KCNC1: variants seen among roughly 807,000 people sequenced by gnomAD.
KCNC1 encodes potassium voltage-gated channel subfamily C member 1.
KCNC1 carries 8 observed loss-of-function variants against 43.4 expected under a neutral mutation model. The observed-to-expected ratio is 0.18, with a 90% CI of 0.11 to 0.33. The LOEUF (loss-of-function observed/expected upper bound fraction) is 0.33. Ranked by LOEUF, KCNC1 falls within the 10% of genes least tolerant of loss-of-function variation. The pLI is 1.00. For missense variants in KCNC1, 420 were observed against 836.0 expected (o/e 0.50, Z 6.14); for synonymous variants, 361 against 360.5 (o/e 1.00, Z -0.01).
intron 1 of KCNC1, among the ~76,000 whole-genome samples, chr11:17,744,842 T>C (rs1233828703): frequency 6.6e-6 from 1 of 152,006 alleles, no homozygotes; most frequent in Non-Finnish European, 1.5e-5. Context: ...CAGAATTACC[T>C]GGGATGCTTA....
chr11:17,762,941 C>T (rs1293249776), intron 1 of KCNC1, among the ~76,000 whole-genome samples: 4 of 152,146 alleles, frequency 2.6e-5, no homozygotes, highest in African/African-American at 4.8e-5. Context: ...AAGACATGTG[C>T]GGATCCAGGA....
chr11:17,777,115 T>G lies in KCNC1; in HGVS notation c.1505-2341T>G, dbSNP rs1849296480. 9 of 984,010 alleles carry G rather than the reference T, an allele frequency of 9.1e-6. No homozygotes were observed. Among genetic ancestry groups the G allele is most frequent in the Non-Finnish European group, 1.1e-5 (9 of 829,562 alleles). The allele number at this position is 984,010 out of a possible 1,614,324, so 61.0% of individuals were successfully genotyped here. On this transcript the variant is annotated intron_variant, in intron 2 of 3. Coordinates refer to ENST00000265969, the MANE Select transcript of KCNC1 (RefSeq NM_001112741.2). This position sits in a 1 kb window ranked among gnomAD's most constrained non-coding sequence, Gnocchi z 4.3. Reference sequence around the variant, plus strand: ...AAACCATCCCGAACTTTGGGCCCTTTAGTGATTGTGAGAGCTGGGAGCCCC... The same window carrying G: ...AAACCATCCCGAACTTTGGGCCCTTGAGTGATTGTGAGAGCTGGGAGCCCC...
Position 17,781,878 on chromosome 11 carries a change from C to A in KCNC1, c.*144C>A. On this transcript the variant is annotated 3_prime_UTR_variant, in exon 4 of 4. Coordinates refer to ENST00000265969, the MANE Select transcript of KCNC1 (RefSeq NM_001112741.2). The surrounding 1 kb of genome is among the most constrained non-coding windows in gnomAD (Gnocchi z 5.1). Reference sequence around the variant, plus strand: ...GGCCCAGGCATTGTACTAGGACGGACGTAGCTTTTTCTACGGCCAAATGGT... The same window carrying A: ...GGCCCAGGCATTGTACTAGGACGGAAGTAGCTTTTTCTACGGCCAAATGGT... The A allele has an allele frequency of 2.0e-6, 1 of 504,604 alleles. No homozygotes were observed. 31.3% of individuals were successfully genotyped at this position (504,604 alleles called of 1,614,324 possible).
chr11:17,775,606 G>C (rs986767162), intron 2 of KCNC1: 1 of 985,460 alleles, frequency 1.0e-6, no homozygotes, highest in Admixed American at 6.1e-5. Context: ...ATCTGCAGTC[G>C]GATGCCCAGA....
intron 1 of KCNC1, among the ~76,000 whole-genome samples, chr11:17,754,395 C>T (rs1424676993): frequency 6.6e-6 from 1 of 152,214 alleles, no homozygotes; most frequent in East Asian, 1.9e-4. Context: ...AAATGCAACT[C>T]TGAAATCAAC....
At chr11:17,774,862 TC>T in intron 2 of KCNC1, 1 of 985,376 alleles carries the variant, frequency 1.0e-6, no homozygotes, top group Non-Finnish European at 1.2e-6. Context: ...TGTCCTGATA[TC>T]CTGACCCCCG....
At chr11:17,763,818 C>A (rs1311706379) in intron 1 of KCNC1, among the ~76,000 whole-genome samples, 2 of 143,284 alleles carry the variant, frequency 1.4e-5, no homozygotes, top group Non-Finnish European at 3.0e-5. Flanking sequence ...CCCCCACACA[C>A]CACCTCACAC....
chr11:17,763,012 C>T (rs1174830862), intron 1 of KCNC1, among the ~76,000 whole-genome samples: 1 of 152,184 alleles, frequency 6.6e-6, no homozygotes, highest in Non-Finnish European at 1.5e-5. Flanking sequence ...AAAAGATACG[C>T]ATCTTGGGAT....
Position 17,782,635 on chromosome 11 carries a change from C to G in KCNC1, c.*901C>G, listed in dbSNP as rs1379416310. The G allele has an allele frequency of 2.0e-5, 3 of 152,224 alleles. No homozygotes were observed. Among genetic ancestry groups the G allele is most frequent in the East Asian group, 3.9e-4 (2 of 5,194 alleles). The allele number at this position is 152,224 out of a possible 1,614,324, so 9.4% of individuals were successfully genotyped here. On this transcript the variant is annotated 3_prime_UTR_variant, in exon 4 of 4. Coordinates refer to ENST00000265969, the MANE Select transcript of KCNC1 (RefSeq NM_001112741.2). ...CTCCTCCACCTTTACTAAGGCACAA[C>G]CTGGCATTGTATGCAATTTAGTACT...
Position 17,781,967 on chromosome 11 carries a change from G to C in KCNC1, c.*233G>C, listed in dbSNP as rs1422858142. 3 of 445,594 alleles carry C rather than the reference G, an allele frequency of 6.7e-6. No homozygotes were observed. The highest frequency in any genetic ancestry group is 2.0e-5 in the African/African-American group (1 of 49,696). The allele number at this position is 445,594 out of a possible 1,614,324, so 27.6% of individuals were successfully genotyped here. On this transcript the variant is annotated 3_prime_UTR_variant, in exon 4 of 4. Coordinates refer to ENST00000265969, the MANE Select transcript of KCNC1 (RefSeq NM_001112741.2). The surrounding 1 kb of genome is among the most constrained non-coding windows in gnomAD (Gnocchi z 5.1). ...TTTAAAATTTTATTTTATTTGGGGA[G>C]GGGGGGTGGAGGGGCTCCTTAGCAT...
intron 1 of KCNC1, among the ~76,000 whole-genome samples, chr11:17,758,223 T>G (rs924607328): frequency 4.6e-5 from 7 of 152,232 alleles, no homozygotes; most frequent in African/African-American, 1.7e-4. Context: ...AAGAAGCAAC[T>G]CCTCATCTGT....
At position 17,776,697 on chromosome 11, in the gene KCNC1, T is replaced by C; in HGVS notation, c.1505-2759T>C. On this transcript the variant is annotated intron_variant, in intron 2 of 3. Transcript: ENST00000265969. This position sits in a 1 kb window ranked among gnomAD's most constrained non-coding sequence, Gnocchi z 4.4. ...GGGCCCCCAGCCTCTGGAAAGCAGG[T>C]GGGAATGGAGGCTCCTAGCCACTAT... The C allele has an allele frequency of 1.0e-6, 1 of 984,688 alleles. No homozygotes were observed. Among genetic ancestry groups the C allele is most frequent in the Non-Finnish European group, 1.2e-6 (1 of 829,754 alleles). 61.0% of individuals were successfully genotyped at this position (984,688 alleles called of 1,614,324 possible).
intron 1 of KCNC1, among the ~76,000 whole-genome samples, chr11:17,752,641 G>A (rs1357003383): frequency 6.6e-6 from 1 of 152,224 alleles, no homozygotes; most frequent in Admixed American, 6.5e-5. Flanking sequence ...GTGGTTAAGT[G>A]CATGTGTTCT....
Position 17,779,093 on chromosome 11 carries a change from G to T in KCNC1, c.1505-363G>T. ...TGTCTGTCTTCTCCCTGAGCTCTGT[G>T]TCTGGCTCTCCCCCATGACTGCATC... On this transcript the variant is annotated intron_variant, in intron 2 of 3. Transcript: ENST00000265969. The surrounding 1 kb of genome is among the most constrained non-coding windows in gnomAD (Gnocchi z 7.2). The T allele has an allele frequency of 5.4e-6, 1 of 184,146 alleles. No homozygotes were observed. The highest frequency in any genetic ancestry group is 2.3e-3 in the Middle Eastern group (1 of 442). The allele number at this position is 184,146 out of a possible 1,614,324, so 11.4% of individuals were successfully genotyped here.
intron 1 of KCNC1, among the ~76,000 whole-genome samples, chr11:17,756,031 A>G (rs1590099125): frequency 6.6e-6 from 1 of 152,176 alleles, no homozygotes; most frequent in East Asian, 1.9e-4. Flanking sequence ...GGTCCCAGGA[A>G]GTGCAAGAAG....
At chr11:17,778,849 G>T (rs1316809959) in intron 2 of KCNC1, among the ~76,000 whole-genome samples, 3 of 149,818 alleles carry the variant, frequency 2.0e-5, no homozygotes, top group Admixed American at 2.0e-4. Flanking sequence ...GGGGGGGTAC[G>T]GGCGCAGGCT....
At chr11:17,778,319 A>G (rs1849307785) in intron 2 of KCNC1, among the ~76,000 whole-genome samples, 1 of 151,930 alleles carries the variant, frequency 6.6e-6, no homozygotes, top group Non-Finnish European at 1.5e-5. Flanking sequence ...GTGCTCCCAG[A>G]CCTCCTCCCA....
rs1848818370 is a variant in KCNC1 at position 17,739,832 on chromosome 11, G to A, written c.570+3260G>A. On this transcript the variant is annotated intron_variant, in intron 1 of 3. Transcript: ENST00000265969. This position sits in a 1 kb window ranked among gnomAD's most constrained non-coding sequence, Gnocchi z 4.2. ...CTGTGTGTGACAGTGTACGTGATGT[G>A]TGTGAGAACCCACGTGTGTGTCAGT... 2.0e-5 allele frequency among the ~76,000 whole-genome samples: 3 copies of A among 152,074 alleles called. No individual in the cohort carries two copies. In the South Asian group the frequency reaches 6.2e-4, roughly 32 times the overall value.
Position 17,779,408 on chromosome 11 carries a change from A to G in KCNC1, c.1505-48A>G. The G allele has an allele frequency of 7.6e-7, 1 of 1,317,556 alleles. No homozygotes were observed. Among genetic ancestry groups the G allele is most frequent in the South Asian group, 1.8e-5 (1 of 56,588 alleles). 81.6% of individuals were successfully genotyped at this position (1,317,556 alleles called of 1,614,324 possible). On this transcript the variant is annotated intron_variant, in intron 2 of 3. Transcript: ENST00000265969. The surrounding 1 kb of genome is among the most constrained non-coding windows in gnomAD (Gnocchi z 7.2). Reference sequence around the variant, plus strand: ...TCTGGCCTGTCCCCCCCTGCCCCCCACTAAACAGTTTTCAGTGTCTCAATA... The same window carrying G: ...TCTGGCCTGTCCCCCCCTGCCCCCCGCTAAACAGTTTTCAGTGTCTCAATA...
Sources: gnomAD v4.1 joint callset for allele counts (sites outside exome capture counted in the v4.1 genomes callset) on GRCh38, gnomAD v4.1.1 for gene constraint, Gnocchi (gnomAD v3.1) non-coding constraint, MANE v1.5 for transcripts, NCBI Gene and HGNC (gene_info 2026-07-23, HGNC 2026-07-21) for gene names.